The following SLC25A26 variants were observed in gnomAD, a reference collection of about 807,000 sequenced individuals.
SLC25A26 encodes solute carrier family 25 member 26.
Under a neutral mutation model 37.8 loss-of-function variants are expected in SLC25A26, and 36 were observed. The ratio of observed to expected loss-of-function variants is 0.95; its 90% CI spans 0.73 to 1.26. SLC25A26 has a LOEUF of 1.26. SLC25A26 is among the 50% of genes most tolerant of loss of function. The pLI, the probability that SLC25A26 is intolerant of heterozygous loss-of-function variation, is 0.00. For synonymous variants in SLC25A26, 129 were observed against 122.5 expected, an observed-to-expected ratio of 1.05 and a Z score of -0.35; for missense variants, 390 against 331.1, an observed-to-expected ratio of 1.18 and a Z score of -1.38.
chr3:66,207,970 C>G (rs1032377484), intron 1 of SLC25A26, among the ~76,000 whole-genome samples: 2 of 152,168 alleles, frequency 1.3e-5, no homozygotes, highest in South Asian at 2.1e-4. Flanking sequence ...ACAAAGTAAA[C>G]TGTGAGCACT....
chr3:66,318,814 G>A (rs1295022617), intron 5 of SLC25A26, among the ~76,000 whole-genome samples: 1 of 151,866 alleles, frequency 6.6e-6, no homozygotes, highest in Non-Finnish European at 1.5e-5. Context: ...ACCACATACA[G>A]CTATTTAAGT....
rs988879796 is a variant in SLC25A26 at position 66,378,238 on chromosome 3, G to A, written c.*431G>A. 1.3e-5 allele frequency: 2 copies of A among 154,662 alleles called. No individual in the cohort carries two copies. Among genetic ancestry groups the A allele is most frequent in the African/African-American group, 4.8e-5 (2 of 41,518 alleles). The allele number at this position is 154,662 out of a possible 1,614,324, so 9.6% of individuals were successfully genotyped here. On this transcript the variant is annotated 3_prime_UTR_variant, in exon 10 of 10. Transcript: ENST00000354883. Reference sequence around the variant, plus strand: ...AGACTTGGGGAAGAGTTGTGTATGTGGGTGTTTCTCCCCCTAGTTAATTCC... The same window carrying A: ...AGACTTGGGGAAGAGTTGTGTATGTAGGTGTTTCTCCCCCTAGTTAATTCC...
intron 5 of SLC25A26, among the ~76,000 whole-genome samples, chr3:66,275,064 C>T (rs375714525): frequency 5.8e-4 from 88 of 151,894 alleles, no homozygotes; most frequent in African/African-American, 1.0e-3. Context: ...TGGAATACTA[C>T]GCAGCCATAA....
chr3:66,235,197 TA>T (rs1183331200), intron 1 of SLC25A26, among the ~76,000 whole-genome samples: 1 of 152,226 alleles, frequency 6.6e-6, no homozygotes, highest in Non-Finnish European at 1.5e-5. Flanking sequence ...TCATATGTAT[TA>T]GCCTTTCTTT....
intron 5 of SLC25A26, among the ~76,000 whole-genome samples, chr3:66,342,662 CAT>C (rs2076235347): frequency 6.6e-6 from 1 of 152,148 alleles, no homozygotes; most frequent in Admixed American, 6.5e-5. Flanking sequence ...TTCTTTATTT[CAT>C]TAGTGATGCC....
At chr3:66,187,897 C>T (rs950791519) in intron 1 of SLC25A26, among the ~76,000 whole-genome samples, 12 of 152,064 alleles carry the variant, frequency 7.9e-5, no homozygotes, top group Non-Finnish European at 1.6e-4. Context: ...TTACCCTGAA[C>T]ATCGTCATGA....
chr3:66,162,789 G>T (rs1026557934), intron 1 of SLC25A26, among the ~76,000 whole-genome samples: 1 of 152,222 alleles, frequency 6.6e-6, no homozygotes, highest in Admixed American at 6.5e-5. Flanking sequence ...TGTGGAGGTG[G>T]TGAGGATAAT....
intron 1 of SLC25A26, among the ~76,000 whole-genome samples, chr3:66,172,997 G>A (rs1377747469): frequency 6.6e-6 from 1 of 152,176 alleles, no homozygotes; most frequent in African/African-American, 2.4e-5. Context: ...GAATTTGGAG[G>A]CGGACACATT....
intron 1 of SLC25A26, among the ~76,000 whole-genome samples, chr3:66,136,978 T>C (rs1270225910): frequency 1.3e-5 from 2 of 152,164 alleles, no homozygotes; most frequent in Non-Finnish European, 2.9e-5. Context: ...TATGGTTATC[T>C]CTTATTTATT....
At chr3:66,372,088 G>A (rs949649166) in intron 9 of SLC25A26, among the ~76,000 whole-genome samples, 1 of 152,238 alleles carries the variant, frequency 6.6e-6, no homozygotes, top group Middle Eastern at 3.4e-3. Context: ...GCAAGACCCT[G>A]TCTCAAAAAA....
At chr3:66,215,881 G>C (rs1253575600) in intron 1 of SLC25A26, among the ~76,000 whole-genome samples, 1 of 152,196 alleles carries the variant, frequency 6.6e-6, no homozygotes, top group African/African-American at 2.4e-5. Context: ...AATTTGTAAA[G>C]AACAGAAATG....
chr3:66,230,459 G>C (rs939575987), intron 1 of SLC25A26, among the ~76,000 whole-genome samples: 1 of 152,030 alleles, frequency 6.6e-6, no homozygotes, highest in Non-Finnish European at 1.5e-5. Flanking sequence ...ATGTAGGGGG[G>C]TGGAGGCGAT....
At chr3:66,319,439 T>A (rs2075632282) in intron 5 of SLC25A26, among the ~76,000 whole-genome samples, 1 of 152,128 alleles carries the variant, frequency 6.6e-6, no homozygotes, top group Admixed American at 6.5e-5. Flanking sequence ...CGCGCTTTTA[T>A]TAGGAGGTTT....
chr3:66,144,251 C>T (rs185573226), intron 1 of SLC25A26, among the ~76,000 whole-genome samples: 320 of 152,184 alleles, frequency 2.1e-3, no homozygotes, highest in African/African-American at 6.8e-3. Context: ...AGTTCAGGAA[C>T]CAAAACAATG....
At chr3:66,158,636 T>C (rs982830562) in intron 1 of SLC25A26, among the ~76,000 whole-genome samples, 4 of 152,224 alleles carry the variant, frequency 2.6e-5, no homozygotes, top group Non-Finnish European at 5.9e-5. Flanking sequence ...TTTTTGGTTA[T>C]GGGCTGGTTA....
chr3:66,148,673 A>G (rs1355638161), intron 1 of SLC25A26, among the ~76,000 whole-genome samples: 2 of 152,186 alleles, frequency 1.3e-5, no homozygotes, highest in Non-Finnish European at 2.9e-5. Context: ...CCTTTCTACC[A>G]TATTGAAAAA....
At chr3:66,148,644 C>G (rs1233841164) in intron 1 of SLC25A26, among the ~76,000 whole-genome samples, 1 of 152,242 alleles carries the variant, frequency 6.6e-6, no homozygotes, top group Non-Finnish European at 1.5e-5. Context: ...ACATTCTCAG[C>G]TGTGAGTTAC....
rs1466440783 is a variant in SLC25A26 at position 66,263,333 on chromosome 3, G to A, written c.407G>A (p.Gly136Asp). The change falls in exon 5 of 10, where the codon GGT becomes GAT. Residue 136 changes from glycine (G) to aspartate (D), a missense_variant and splice_region_variant. Physicochemically the swap from Gly to Asp is moderately conservative, Grantham distance 94. Coordinates refer to ENST00000354883, the MANE Select transcript of SLC25A26 (RefSeq NM_001379210.1). ...QIFSNILYEE[G>D]IQGLYRGYKS... Reference sequence around the variant, plus strand: ...CTCTCGGCTGTGTGTTTGTTTCAGGGTATCCAAGGGTTGTATCGAGGCTAT... The same window carrying A: ...CTCTCGGCTGTGTGTTTGTTTCAGGATATCCAAGGGTTGTATCGAGGCTAT... 3 of 1,611,550 alleles carry A rather than the reference G, an allele frequency of 1.9e-6. No individual in the cohort carries two copies. The highest frequency in any genetic ancestry group is 1.7e-5 in the Admixed American group (1 of 59,880).
chr3:66,162,615 T>C (rs964873448), intron 1 of SLC25A26, among the ~76,000 whole-genome samples: 11 of 152,136 alleles, frequency 7.2e-5, no homozygotes, highest in Admixed American at 2.0e-4. Flanking sequence ...GTCTTTGTCA[T>C]CTGAGTTAAA....
Sources: gnomAD v4.1 joint callset for allele counts (sites outside exome capture counted in the v4.1 genomes callset) on GRCh38, gnomAD v4.1.1 for gene constraint, MANE v1.5 for transcripts, NCBI Gene and HGNC (gene_info 2026-07-23, HGNC 2026-07-21) for gene names.